Variants in PTPRG observed in about 807,000 individuals in gnomAD.
PTPRG encodes receptor-type tyrosine-protein phosphatase gamma.
PTPRG carries 102 observed loss-of-function variants against 165.3 expected under a neutral mutation model. The ratio of observed to expected loss-of-function variants is 0.62; its 90% CI spans 0.53 to 0.73. The LOEUF (loss-of-function observed/expected upper bound fraction) is 0.73, where lower values mean the gene tolerates loss of function less well. PTPRG is among the 30% of genes least tolerant of loss of function. The pLI, the probability that PTPRG is intolerant of heterozygous loss-of-function variation, is 0.00. For missense variants in PTPRG, 1,866 were observed against 1,861.4 expected, an observed-to-expected ratio of 1.00 and a Z score of -0.05; for synonymous variants, 675 against 669.5, an observed-to-expected ratio of 1.01 and a Z score of -0.13.
intron 1 of PTPRG, among the ~76,000 whole-genome samples, chr3:61,732,326 C>T (rs2032533665): frequency 6.6e-6 from 1 of 152,036 alleles, no homozygotes; most frequent in South Asian, 2.1e-4. Context: ...GCCTGTAATC[C>T]CAGCACTATG....
At chr3:62,169,654 A>G (rs1705142443) in intron 8 of PTPRG, among the ~76,000 whole-genome samples, 1 of 152,130 alleles carries the variant, frequency 6.6e-6, no homozygotes, top group Non-Finnish European at 1.5e-5. Context: ...GGGAGGAAGG[A>G]AAAAGAAGGA....
Position 61,989,769 on chromosome 3 carries a change from C to G in PTPRG, c.335C>G (p.Ser112Cys). The part of the protein sequence containing the change: ...LQLDGFDNES[S>C]NKTWMKNTGK... ...CTCGATGGCTTCGACAATGAGTCTT[C>G]TAACAAAACCTGGATGAAAAACACA... The change falls in exon 3 of 30, where the codon TCT becomes TGT. Residue 112 changes from serine (S) to cysteine (C), a missense_variant. Around this residue, in one of 3 missense-constraint regions of PTPRG, gnomAD observed 408 missense variants for 376.2 expected, o/e 1.08. Coordinates refer to ENST00000474889, the MANE Select transcript of PTPRG (RefSeq NM_002841.4). 1 of 1,614,090 alleles carries G rather than the reference C, an allele frequency of 6.2e-7. No individual in the cohort carries two copies. Among genetic ancestry groups the G allele is most frequent in the Non-Finnish European group, 8.5e-7 (1 of 1,179,974 alleles).
Position 61,741,200 on chromosome 3 carries a change from C to CT in PTPRG, c.86-7675dup, listed in dbSNP as rs546128134. On this transcript the variant is annotated intron_variant, in intron 1 of 29. Transcript: ENST00000474889. ...GGAGATTTCACCATCCTTGAGGGAT[C>CT]TTTAATTTGTTTGTTGATGTGCCAT... Among the ~76,000 whole-genome samples, 10 of 152,282 alleles carry CT rather than the reference C, an allele frequency of 6.6e-5. No homozygotes were observed. In the South Asian group the frequency reaches 2.1e-3, roughly 32 times the overall value.
chr3:61,740,948 A>T (rs1193924507), intron 1 of PTPRG, among the ~76,000 whole-genome samples: 1 of 152,196 alleles, frequency 6.6e-6, no homozygotes, highest in Non-Finnish European at 1.5e-5. Context: ...AAAGGAACAC[A>T]CTTTTTCATT....
At chr3:61,958,755 T>C (rs936769294) in intron 2 of PTPRG, among the ~76,000 whole-genome samples, 1 of 152,332 alleles carries the variant, frequency 6.6e-6, no homozygotes, top group African/African-American at 2.4e-5. Context: ...TTATAATTAA[T>C]TGCTTGTTGA....
At chr3:61,751,313 A>G (rs185025007) in intron 2 of PTPRG, among the ~76,000 whole-genome samples, 154 of 152,330 alleles carry the variant, frequency 1.0e-3, no homozygotes, top group African/African-American at 3.4e-3. Flanking sequence ...TGGGACTATT[A>G]GCTGCAGGCA....
chr3:61,981,094 A>G (rs1014046036), intron 2 of PTPRG, among the ~76,000 whole-genome samples: 2 of 152,244 alleles, frequency 1.3e-5, no homozygotes, highest in African/African-American at 2.4e-5. Context: ...ACTTACAGTC[A>G]TGGCAGAAGG....
At chr3:61,887,552 A>G (rs929619494) in intron 2 of PTPRG, among the ~76,000 whole-genome samples, 4 of 152,148 alleles carry the variant, frequency 2.6e-5, no homozygotes, top group Non-Finnish European at 4.4e-5. Context: ...TCCTTTACCA[A>G]TTCATGAAAT....
At chr3:61,777,208 C>A (rs530294160) in intron 2 of PTPRG, among the ~76,000 whole-genome samples, 1 of 152,210 alleles carries the variant, frequency 6.6e-6, no homozygotes, top group African/African-American at 2.4e-5. Flanking sequence ...GAAGTTTCTA[C>A]AATGATGGCA....
rs1272989730 is a variant in PTPRG at position 62,267,786 on chromosome 3, T to C, written c.2841T>C (p.Ile947=). The C allele has an allele frequency of 6.2e-7, 1 of 1,613,398 alleles. No homozygotes were observed. Among genetic ancestry groups the C allele is most frequent in the East Asian group, 2.2e-5 (1 of 44,876 alleles). Residue 947 remains isoleucine, a synonymous_variant, in exon 19 of 30, where the codon ATT becomes ATC. Coordinates refer to ENST00000474889, the MANE Select transcript of PTPRG (RefSeq NM_002841.4). ...TTTGGGAACAAAACACTGGAATCATTGTGATGATTACGAACCTTGTGGAAA... is the reference window on the plus strand; with the variant it reads ...TTTGGGAACAAAACACTGGAATCATCGTGATGATTACGAACCTTGTGGAAA... ...RMIWEQNTGI[I]VMITNLVEKG... is the part of the protein sequence containing the mutation.
chr3:61,791,557 G>C (rs763288835), intron 2 of PTPRG, among the ~76,000 whole-genome samples: 8 of 152,058 alleles, frequency 5.3e-5, no homozygotes, highest in Non-Finnish European at 1.0e-4. Flanking sequence ...GTGCTATCTC[G>C]GGTAACTGCA....
intron 1 of PTPRG, among the ~76,000 whole-genome samples, chr3:61,641,244 A>C (rs576876508): frequency 6.6e-6 from 1 of 152,054 alleles, no homozygotes; most frequent in Non-Finnish European, 1.5e-5. Flanking sequence ...CCTGAAATAT[A>C]TATAGAATAC....
At chr3:61,739,261 T>C (rs1487800390) in intron 1 of PTPRG, 1 of 152,256 alleles carries the variant, frequency 6.6e-6, no homozygotes, top group East Asian at 1.9e-4. Flanking sequence ...CCAAAGTTTG[T>C]GTAGTTGTAA....
intron 1 of PTPRG, among the ~76,000 whole-genome samples, chr3:61,707,815 G>T (rs1254751940): frequency 1.3e-5 from 2 of 152,026 alleles, no homozygotes; most frequent in Non-Finnish European, 2.9e-5. Flanking sequence ...TTGAGACAGG[G>T]TCTCCCTTTG....
At chr3:61,679,689 G>A (rs186373837) in intron 1 of PTPRG, among the ~76,000 whole-genome samples, 7 of 152,246 alleles carry the variant, frequency 4.6e-5, no homozygotes, top group East Asian at 1.9e-4. Context: ...GCTGAGGCAC[G>A]AGAATTACTT....
intron 2 of PTPRG, among the ~76,000 whole-genome samples, chr3:61,905,312 C>G (rs1468117326): frequency 6.6e-6 from 1 of 152,124 alleles, no homozygotes; most frequent in Non-Finnish European, 1.5e-5. Flanking sequence ...CCAAGATTAT[C>G]TTATCCTCTA....
chr3:61,628,525 G>A (rs990447435), intron 1 of PTPRG, among the ~76,000 whole-genome samples: 2 of 152,032 alleles, frequency 1.3e-5, no homozygotes, highest in African/African-American at 2.4e-5. Flanking sequence ...GTAGAGACAG[G>A]GTTTTACCAT....
chr3:61,968,763 G>T (rs925515231), intron 2 of PTPRG, among the ~76,000 whole-genome samples: 1 of 152,118 alleles, frequency 6.6e-6, no homozygotes, highest in African/African-American at 2.4e-5. Context: ...GGAGGGGAGG[G>T]AATGATATAT....
chr3:62,101,755 C>CCA (rs1702295934), intron 5 of PTPRG, among the ~76,000 whole-genome samples: 1 of 152,194 alleles, frequency 6.6e-6, no homozygotes, highest in South Asian at 2.1e-4. Context: ...CTCCTGTGAA[C>CCA]CACTTCCTGG....
Sources: gnomAD v4.1 joint callset for allele counts (sites outside exome capture counted in the v4.1 genomes callset) on GRCh38, gnomAD v4.1.1 for gene constraint, gnomAD v4.1.1 regional missense constraint, MANE v1.5 for transcripts, NCBI Gene and HGNC (gene_info 2026-07-23, HGNC 2026-07-21) for gene names.